WWOX: variants seen among roughly 807,000 people sequenced by gnomAD.
WWOX encodes the protein WW domain-containing oxidoreductase.
WWOX carries 69 observed loss-of-function variants against 46.2 expected under a neutral mutation model. That is an observed-to-expected ratio of 1.49 (90% CI 1.23 to 1.82). WWOX has a LOEUF of 1.82. Ranked by LOEUF, WWOX falls within the 40% of genes most tolerant of loss-of-function variation. The pLI is 0.00. For missense variants in WWOX, 919 were observed against 542.6 expected (o/e 1.69, Z -6.89); for synonymous variants, 359 against 202.6 (o/e 1.77, Z -6.56).
At chr16:78,193,992 C>G (rs2035967292) in intron 5 of WWOX, among the ~76,000 whole-genome samples, 1 of 151,610 alleles carries the variant, frequency 6.6e-6, no homozygotes, top group Admixed American at 6.6e-5. Context: ...ATTCTCTTGC[C>G]TCAGCCTCCC....
At chr16:79,183,647 A>G (rs913189441) in intron 8 of WWOX, among the ~76,000 whole-genome samples, 8 of 152,220 alleles carry the variant, frequency 5.3e-5, no homozygotes, top group Non-Finnish European at 1.2e-4. Context: ...TTATTATAAC[A>G]AATGTATCAA....
intron 8 of WWOX, among the ~76,000 whole-genome samples, chr16:78,623,930 G>A (rs2738571): frequency 0.67 from 101,596 of 151,982 alleles, 34,354 homozygotes; most frequent in Middle Eastern, 0.76. Flanking sequence ...CCAGAATGTG[G>A]CAAAGTCTTT....
intron 8 of WWOX, among the ~76,000 whole-genome samples, chr16:78,718,556 C>T (rs183709200): frequency 2.2e-4 from 34 of 152,058 alleles, no homozygotes; most frequent in Non-Finnish European, 3.5e-4. Context: ...AATTAATACA[C>T]TGAGCCAAGC....
At chr16:79,080,189 C>T (rs1382043725) in intron 8 of WWOX, among the ~76,000 whole-genome samples, 9 of 152,106 alleles carry the variant, frequency 5.9e-5, no homozygotes, top group Non-Finnish European at 1.0e-4. Flanking sequence ...CAGAGAATCC[C>T]GTGGAATCCC....
At chr16:79,034,583 T>G (rs778525871) in intron 8 of WWOX, among the ~76,000 whole-genome samples, 1 of 152,234 alleles carries the variant, frequency 6.6e-6, no homozygotes, top group Non-Finnish European at 1.5e-5. Flanking sequence ...AGATATTTAT[T>G]CTGTTGTGGA....
At chr16:78,416,338 C>A (rs568241589) in intron 6 of WWOX, among the ~76,000 whole-genome samples, 5 of 152,162 alleles carry the variant, frequency 3.3e-5, no homozygotes, top group African/African-American at 4.8e-5. Context: ...TAATTCTTTT[C>A]CTTTTGTACA....
At chr16:78,951,582 C>T (rs2046061091) in intron 8 of WWOX, among the ~76,000 whole-genome samples, 1 of 152,216 alleles carries the variant, frequency 6.6e-6, no homozygotes, top group Non-Finnish European at 1.5e-5. Flanking sequence ...AACAGGGCTT[C>T]ATCACAGCAG....
chr16:78,731,851 T>C (rs577070796), intron 8 of WWOX, among the ~76,000 whole-genome samples: 3 of 134,682 alleles, frequency 2.2e-5, no homozygotes, highest in African/African-American at 7.0e-5. Context: ...TTCTCTTTTT[T>C]TTTTTTTTTT....
intron 8 of WWOX, among the ~76,000 whole-genome samples, chr16:78,659,206 T>A (rs1252302540): frequency 6.6e-5 from 10 of 152,108 alleles, no homozygotes; most frequent in Non-Finnish European, 1.3e-4. Context: ...TATCCTCATT[T>A]TACAGATGAG....
intron 5 of WWOX, among the ~76,000 whole-genome samples, chr16:78,172,504 C>T (rs903184017): frequency 1.3e-5 from 2 of 151,990 alleles, no homozygotes; most frequent in Admixed American, 6.6e-5. Context: ...CTAAGTTTTC[C>T]GTTTCATTTC....
intron 8 of WWOX, among the ~76,000 whole-genome samples, chr16:78,929,958 C>A (rs1332370305): frequency 6.6e-6 from 1 of 152,078 alleles, no homozygotes; most frequent in Non-Finnish European, 1.5e-5. Flanking sequence ...GTGCTAACTG[C>A]CCTTGCAGCT....
chr16:78,275,169 G>T (rs1027366092), intron 5 of WWOX, among the ~76,000 whole-genome samples: 15 of 152,168 alleles, frequency 9.9e-5, no homozygotes, highest in Admixed American at 6.5e-5. Context: ...AACGTGGAGG[G>T]GGGTGGTGAA....
intron 5 of WWOX, among the ~76,000 whole-genome samples, chr16:78,210,693 C>T (rs1259906726): frequency 6.6e-6 from 1 of 152,136 alleles, no homozygotes; most frequent in African/African-American, 2.4e-5. Context: ...TAGATTTCCC[C>T]TGTTTTTCCT....
chr16:78,924,653 T>C (rs908488071), intron 8 of WWOX, among the ~76,000 whole-genome samples: 12 of 152,250 alleles, frequency 7.9e-5, no homozygotes, highest in Non-Finnish European at 1.5e-5. Context: ...TACTCCACGA[T>C]TATCCATTCA....
At chr16:78,358,482 A>G (rs55969221) in intron 5 of WWOX, among the ~76,000 whole-genome samples, 8,569 of 152,190 alleles carry the variant, frequency 0.056, 340 homozygotes, top group Middle Eastern at 0.12. Flanking sequence ...ACATGGTGAA[A>G]CCCTGTCTCT....
intron 8 of WWOX, among the ~76,000 whole-genome samples, chr16:78,791,889 A>G (rs2050611717): frequency 1.3e-5 from 2 of 152,128 alleles, no homozygotes; most frequent in South Asian, 4.1e-4. Flanking sequence ...AAAAACAACA[A>G]CAACAACAAC....
intron 8 of WWOX, among the ~76,000 whole-genome samples, chr16:78,877,336 T>G (rs1316450683): frequency 1.3e-5 from 2 of 148,446 alleles, no homozygotes; most frequent in African/African-American, 4.9e-5. Context: ...ACTGGCCTCT[T>G]GTTCTTCTTC....
chr16:78,822,937 A>T (rs1314526623), intron 8 of WWOX, among the ~76,000 whole-genome samples: 2 of 152,202 alleles, frequency 1.3e-5, no homozygotes, highest in Admixed American at 1.3e-4. Flanking sequence ...AAAAGAAAAA[A>T]AAAAAGGAAT....
intron 8 of WWOX, among the ~76,000 whole-genome samples, chr16:78,675,107 A>G (rs930306552): frequency 1.3e-5 from 2 of 152,232 alleles, no homozygotes; most frequent in African/African-American, 4.8e-5. Flanking sequence ...CTGAATGTTT[A>G]CATAGATGAT....
Sources: gnomAD v4.1 joint callset for allele counts (sites outside exome capture counted in the v4.1 genomes callset) on GRCh38, gnomAD v4.1.1 for gene constraint, MANE v1.5 for transcripts, NCBI Gene and HGNC (gene_info 2026-07-23, HGNC 2026-07-21) for gene names.